STK3: variants seen among roughly 807,000 people sequenced by gnomAD.
The protein encoded by STK3 is serine/threonine kinase 3, also known as serine/threonine-protein kinase 3.
In STK3, 41 loss-of-function variants were observed where a neutral mutation model predicts 58.0. The observed-to-expected ratio is 0.71, with a 90% CI of 0.55 to 0.92. STK3 has a LOEUF of 0.92. STK3 is among the 40% of genes least tolerant of loss of function. The pLI, the probability that STK3 is intolerant of heterozygous loss-of-function variation, is 0.00. For synonymous variants in STK3, 170 were observed against 191.0 expected, an observed-to-expected ratio of 0.89 and a Z score of 0.91; for missense variants, 479 against 602.7, an observed-to-expected ratio of 0.79 and a Z score of 2.15.
chr8:98,628,525 G>A (rs1587080204), intron 6 of STK3, among the ~76,000 whole-genome samples: 1 of 152,100 alleles, frequency 6.6e-6, no homozygotes, highest in Non-Finnish European at 1.5e-5. Context: ...AGGCAGGCAT[G>A]GTGGCTCACA....
upstream of STK3, among the ~76,000 whole-genome samples, chr8:98,826,451 G>A (rs1835309918): frequency 6.6e-6 from 1 of 151,816 alleles, no homozygotes; most frequent in African/African-American, 2.4e-5. Context: ...GAGATCTCTC[G>A]GTACACCAAA....
intron 2 of STK3, among the ~76,000 whole-genome samples, chr8:98,373,013 T>C (rs189623233): frequency 6.6e-6 from 1 of 152,304 alleles, no homozygotes; most frequent in East Asian, 1.9e-4. Flanking sequence ...TTAACTTCCC[T>C]GAAATGGAAT....
intron 10 of STK3, among the ~76,000 whole-genome samples, chr8:98,492,992 A>T (rs1822821573): frequency 6.6e-6 from 1 of 152,030 alleles, no homozygotes; most frequent in African/African-American, 2.4e-5. Context: ...GCACTTTGGG[A>T]GGCCAAGGCG....
downstream of STK3, chr8:98,371,236 T>C (rs1817607355): frequency 6.6e-6 from 1 of 152,230 alleles, no homozygotes; most frequent in African/African-American, 2.4e-5. Context: ...GGTGAAGTGG[T>C]AACTGGTTTA....
At chr8:98,429,924 GT>G in intron 3 of STK3, 1 of 167,928 alleles carries the variant, frequency 6.0e-6, no homozygotes, top group Non-Finnish European at 1.5e-5. Context: ...CTTTCACTTA[GT>G]TTTAGTACCA....
chr8:98,681,276 C>T (rs62535411), intron 6 of STK3, among the ~76,000 whole-genome samples: 7 of 152,030 alleles, frequency 4.6e-5, no homozygotes, highest in Non-Finnish European at 7.4e-5. Flanking sequence ...GGATTACAGG[C>T]GTGAGCCACT....
At chr8:98,792,926 A>G (rs1280980142) in intron 1 of STK3, among the ~76,000 whole-genome samples, 3 of 124,800 alleles carry the variant, frequency 2.4e-5, no homozygotes, top group Admixed American at 7.7e-5. Flanking sequence ...GTGTGTGTGT[A>G]TTACATATGT....
intron 6 of STK3, among the ~76,000 whole-genome samples, chr8:98,677,572 AGGAGAC>A (rs1054343623): frequency 5.8e-4 from 89 of 152,258 alleles, no homozygotes; most frequent in African/African-American, 2.1e-3. Context: ...AGGAAGGAGA[AGGAGAC>A]GGAGATGGAG....
At chr8:98,665,186 A>G (rs1822244331) in intron 6 of STK3, among the ~76,000 whole-genome samples, 1 of 152,230 alleles carries the variant, frequency 6.6e-6, no homozygotes, top group Non-Finnish European at 1.5e-5. Flanking sequence ...GAAAGGTATT[A>G]CATCTTTTTT....
chr8:98,652,367 C>T (rs1473134940), intron 6 of STK3, among the ~76,000 whole-genome samples: 1 of 152,222 alleles, frequency 6.6e-6, no homozygotes, highest in African/African-American at 2.4e-5. Flanking sequence ...GTACCAGCCA[C>T]TACAAAATCA....
rs142328760 is a variant in STK3 at position 98,866,012 on chromosome 8, C to T, written c.110+17635G>A. ...TCCTGGGATGCAGGACCATGTGCCC[C>T]GTTGCTGTATGTTGCTGCCTGCACA... On this transcript the variant is annotated intron_variant, in intron 3 of 12. Transcript: ENST00000523601. Among the ~76,000 whole-genome samples, 132 of 152,342 alleles carry T rather than the reference C, an allele frequency of 8.7e-4. 1 individual carries two copies. Among genetic ancestry groups the T allele is most frequent in the African/African-American group, 3.0e-3 (124 of 41,574 alleles).
chr8:98,814,191 G>C (rs1834398415), intron 1 of STK3, among the ~76,000 whole-genome samples: 1 of 151,936 alleles, frequency 6.6e-6, no homozygotes, highest in African/African-American at 2.4e-5. Context: ...GGGACTACAG[G>C]TATCTGCCAC....
Position 98,656,249 on chromosome 8 carries a change from A to G in STK3, c.684+50218T>C, listed in dbSNP as rs1446977607. On this transcript the variant is annotated intron_variant, in intron 6 of 10. Transcript: ENST00000419617. The stretch of plus-strand genomic sequence containing the variant: ...CTATCGCAAGGACAAAAAACCAAAC[A>G]CTGCATGTTCTCACTCATAGGTGGG... 2.6e-5 allele frequency among the ~76,000 whole-genome samples: 4 copies of G among 151,290 alleles called. 1 individual carries two copies. The highest frequency in any genetic ancestry group is 2.9e-5 in the Non-Finnish European group (2 of 67,804).
chr8:98,720,431 C>A (rs1208080152), intron 4 of STK3, among the ~76,000 whole-genome samples: 1 of 152,126 alleles, frequency 6.6e-6, no homozygotes, highest in Non-Finnish European at 1.5e-5. Flanking sequence ...ATGTCACAAA[C>A]ATAAATATAT....
At chr8:98,778,387 CT>C (rs1262006777) in intron 1 of STK3, among the ~76,000 whole-genome samples, 5 of 151,460 alleles carry the variant, frequency 3.3e-5, no homozygotes, top group African/African-American at 1.2e-4. Flanking sequence ...ACAACAGGTG[CT>C]GGAGAGGATG....
intron 1 of STK3, among the ~76,000 whole-genome samples, chr8:98,934,491 G>A (rs1300897235): frequency 1.3e-5 from 2 of 152,202 alleles, no homozygotes; most frequent in Non-Finnish European, 2.9e-5. Context: ...GCAAGTAGTG[G>A]CAATATGCTC....
chr8:98,722,170 T>C (rs1052441298), intron 4 of STK3, among the ~76,000 whole-genome samples: 3 of 152,054 alleles, frequency 2.0e-5, no homozygotes, highest in Admixed American at 1.3e-4. Context: ...AACTAAAGAA[T>C]AGAAATATAA....
At chr8:98,868,371 C>G (rs1837224835) in intron 3 of STK3, among the ~76,000 whole-genome samples, 1 of 152,176 alleles carries the variant, frequency 6.6e-6, no homozygotes, top group Non-Finnish European at 1.5e-5. Flanking sequence ...ACCACCACTT[C>G]CCCTGGATAG....
At chr8:98,878,509 C>T (rs1564078465) in intron 3 of STK3, among the ~76,000 whole-genome samples, 2 of 152,114 alleles carry the variant, frequency 1.3e-5, no homozygotes, top group Non-Finnish European at 2.9e-5. Context: ...TTCCGATTAC[C>T]AGCTCTGTCA....
Sources: allele counts gnomAD v4.1 joint callset (sites outside exome capture counted in the v4.1 genomes callset), GRCh38; gene constraint gnomAD v4.1.1; transcripts MANE v1.5; gene names NCBI Gene and HGNC (gene_info 2026-07-23, HGNC 2026-07-21).